SYNPO2: variants seen among roughly 807,000 people sequenced by gnomAD.
The protein encoded by SYNPO2 is synaptopodin 2, also known as synaptopodin-2.
In SYNPO2, 56 loss-of-function variants were observed where a neutral mutation model predicts 85.0. The observed-to-expected ratio is 0.66, with a 90% CI of 0.53 to 0.82. SYNPO2 has a LOEUF of 0.82. Among genes scored for constraint, SYNPO2 ranks in the 40% least tolerant of loss-of-function variants. SYNPO2 has a pLI of 0.00. For synonymous variants in SYNPO2, 602 were observed against 591.1 expected (o/e 1.02, Z -0.27); for missense variants, 1,575 against 1,534.2 (o/e 1.03, Z -0.44).
intron 1 of SYNPO2, among the ~76,000 whole-genome samples, chr4:119,011,889 T>A (rs1400603902): frequency 6.6e-6 from 1 of 151,746 alleles, no homozygotes; most frequent in Non-Finnish European, 1.5e-5. Flanking sequence ...TGGCAAAGAT[T>A]TTCTTCTCCC....
rs747176478 is a variant in SYNPO2 at position 119,032,004 on chromosome 4, A to G, written c.3229A>G (p.Lys1077Glu). 3.1e-6 allele frequency: 5 copies of G among 1,614,200 alleles called. No individual in the cohort carries two copies. The highest frequency in any genetic ancestry group is 4.2e-6 in the Non-Finnish European group (5 of 1,180,026). ...GGCACCAAGGCCAAAGTTCTCAGCCAAGAAAAGTGGTGTCACAATTCAGGT... is the reference window on the plus strand; with the variant it reads ...GGCACCAAGGCCAAAGTTCTCAGCCGAGAAAAGTGGTGTCACAATTCAGGT... Reference protein sequence around the residue: ...FVAPRPKFSAKKSGVTIQESG... With the variant: ...FVAPRPKFSAEKSGVTIQESG... Residue 1077 changes from lysine to glutamate, a missense_variant, in exon 4 of 5, where the codon AAG (lysine) becomes GAG (glutamate). Around this residue, in one of 3 missense-constraint regions of SYNPO2, gnomAD observed 1,508 missense variants for 1,446.8 expected, o/e 1.04. Coordinates refer to ENST00000307142, the MANE Select transcript of SYNPO2 (RefSeq NM_133477.3).
chr4:118,898,067 A>G (rs1458296303), intron 1 of SYNPO2, among the ~76,000 whole-genome samples: 1 of 152,140 alleles, frequency 6.6e-6, no homozygotes, highest in Non-Finnish European at 1.5e-5. Flanking sequence ...ATAATTTTCT[A>G]TTTTCTTAGC....
intron 1 of SYNPO2, among the ~76,000 whole-genome samples, chr4:119,007,246 G>A (rs28468436): frequency 0.098 from 2,800 of 28,592 alleles, 33 homozygotes; most frequent in Non-Finnish European, 0.13. Context: ...ATATATATAT[G>A]TATATACATA....
chr4:119,047,275 A>G (rs1738900860), intron 4 of SYNPO2, among the ~76,000 whole-genome samples: 1 of 152,148 alleles, frequency 6.6e-6, no homozygotes, highest in African/African-American at 2.4e-5. Context: ...GGCCAGGCTG[A>G]TCATGAACTC....
intron 1 of SYNPO2, among the ~76,000 whole-genome samples, chr4:118,900,043 T>A (rs1360919545): frequency 6.6e-6 from 1 of 152,214 alleles, no homozygotes; most frequent in Non-Finnish European, 1.5e-5. Context: ...ATTACAGGCG[T>A]GAGCCACCGC....
intron 1 of SYNPO2, among the ~76,000 whole-genome samples, chr4:118,861,512 T>C (rs1731611028): frequency 6.6e-6 from 1 of 152,128 alleles, no homozygotes; most frequent in South Asian, 2.1e-4. Context: ...TTTGATTTGA[T>C]TTTGGTGTAA....
At position 118,983,624 on chromosome 4, in the gene SYNPO2, A is replaced by C. The variant is rs533206818; in HGVS notation, c.106-39806A>C. On this transcript the variant is annotated intron_variant, in intron 1 of 4. Coordinates refer to ENST00000307142, the MANE Select transcript of SYNPO2 (RefSeq NM_133477.3). Reference sequence around the variant, plus strand: ...ACTCACTCGCTGAACATTTCTCCTTAGTCTCTGTTGGCCCCACTTCTACTT... The same window carrying C: ...ACTCACTCGCTGAACATTTCTCCTTCGTCTCTGTTGGCCCCACTTCTACTT... 5.2e-4 allele frequency among the ~76,000 whole-genome samples: 79 copies of C among 152,298 alleles called. 1 individual carries two copies. Among genetic ancestry groups the C allele is most frequent in the Middle Eastern group, 3.4e-3 (1 of 294 alleles).
At chr4:118,972,547 C>T (rs957927849) in intron 1 of SYNPO2, among the ~76,000 whole-genome samples, 2 of 152,054 alleles carry the variant, frequency 1.3e-5, no homozygotes, top group African/African-American at 4.8e-5. Context: ...TTTTCTTTTC[C>T]TCCAAGCCCT....
chr4:118,915,933 G>A (rs1323659131), intron 1 of SYNPO2, among the ~76,000 whole-genome samples: 1 of 151,756 alleles, frequency 6.6e-6, no homozygotes, highest in East Asian at 1.9e-4. Context: ...CTATTTTCAT[G>A]ACTACCACGT....
intron 1 of SYNPO2, among the ~76,000 whole-genome samples, chr4:118,918,821 A>G (rs1733440743): frequency 6.6e-6 from 1 of 152,208 alleles, no homozygotes; most frequent in Non-Finnish European, 1.5e-5. Context: ...ATACACAGTT[A>G]TATTAGGTAG....
chr4:118,977,884 G>A (rs1038200257), intron 1 of SYNPO2, among the ~76,000 whole-genome samples: 2 of 152,168 alleles, frequency 1.3e-5, no homozygotes, highest in Admixed American at 6.5e-5. Flanking sequence ...TTATAATTTT[G>A]CAAAGACATA....
intron 1 of SYNPO2, among the ~76,000 whole-genome samples, chr4:118,878,546 A>G (rs1035438187): frequency 2.6e-5 from 4 of 152,116 alleles, no homozygotes; most frequent in African/African-American, 9.7e-5. Flanking sequence ...AAACGCACCA[A>G]TCCGCGCTCT....
chr4:118,923,390 T>G (rs1021640891), intron 1 of SYNPO2, among the ~76,000 whole-genome samples: 3 of 151,898 alleles, frequency 2.0e-5, no homozygotes, highest in Admixed American at 6.6e-5. Context: ...CCAGGGCCTA[T>G]TTGAGGATGG....
chr4:118,916,167 T>C (rs1357482631), intron 1 of SYNPO2, among the ~76,000 whole-genome samples: 1 of 151,218 alleles, frequency 6.6e-6, no homozygotes, highest in Non-Finnish European at 1.5e-5. Flanking sequence ...AAACTTAGGG[T>C]TTTTTGGGTT....
rs558167355 is a variant in SYNPO2, at chr4:118,913,949, G to A, written c.105+24808G>A. Reference sequence around the variant, plus strand: ...GATGACTGATGGCAATGTGGAAATGGATCAAAGGGTGGAGCTTGGAGAATG... The same window carrying A: ...GATGACTGATGGCAATGTGGAAATGAATCAAAGGGTGGAGCTTGGAGAATG... On this transcript the variant is annotated intron_variant, in intron 1 of 4. Transcript: ENST00000307142. 9.2e-5 allele frequency among the ~76,000 whole-genome samples: 14 copies of A among 152,232 alleles called. No homozygotes were observed. In the East Asian group the frequency reaches 2.1e-3, roughly 23 times the overall value.
rs116151402 is a variant in SYNPO2, at chr4:118,970,764, G to T, written c.106-52666G>T. Among the ~76,000 whole-genome samples the T allele has an allele frequency of 5.4e-3, 819 of 152,288 alleles. 14 individuals are homozygous for T. The highest frequency in any genetic ancestry group is 0.017 in the African/African-American group (714 of 41,554). The stretch of plus-strand genomic sequence containing the variant: ...CTATGACCACATAGGCTTTCTAAAG[G>T]TTCCCTTCATCTCAGAAGCATTTGC... On this transcript the variant is annotated intron_variant, in intron 1 of 4. Transcript: ENST00000307142.
intron 4 of SYNPO2, among the ~76,000 whole-genome samples, chr4:119,044,206 TC>T: frequency 6.6e-6 from 1 of 152,348 alleles, no homozygotes; most frequent in East Asian, 1.9e-4. Flanking sequence ...TTCCTAAGTT[TC>T]CCATTTGTAT....
chr4:119,027,364 G>A lies in SYNPO2; in HGVS notation c.995G>A (p.Gly332Asp), dbSNP rs753935638. Residue 332 changes from glycine to aspartate, a missense_variant, in exon 3 of 5, where the codon GGC becomes GAC. Gly to Asp is a moderately conservative substitution (Grantham distance 94). Transcript: ENST00000307142. The stretch of plus-strand genomic sequence containing the variant: ...GTATCCTTTGCCGTCTCATCAGAAG[G>A]CACAGAGCAGGGAGAAGATCCACGC... ...SLVSFAVSSE[G>D]TEQGEDPRSE... The A allele has an allele frequency of 1.2e-6, 2 of 1,613,824 alleles. No homozygotes were observed. The highest frequency in any genetic ancestry group is 1.1e-5 in the South Asian group (1 of 91,072).
intron 1 of SYNPO2, among the ~76,000 whole-genome samples, chr4:118,911,590 T>C (rs528334395): frequency 2.6e-5 from 4 of 152,294 alleles, no homozygotes; most frequent in Non-Finnish European, 5.9e-5. Context: ...GTTCCCATGA[T>C]AGCATTAAAA....
Sources: gnomAD v4.1 joint callset for allele counts (sites outside exome capture counted in the v4.1 genomes callset) on GRCh38, gnomAD v4.1.1 for gene constraint, gnomAD v4.1.1 regional missense constraint, MANE v1.5 for transcripts, NCBI Gene and HGNC (gene_info 2026-07-23, HGNC 2026-07-21) for gene names.